The following DLGAP2 variants were observed in gnomAD, a reference collection of about 807,000 sequenced individuals.
The protein encoded by DLGAP2 is disks large-associated protein 2.
Under a neutral mutation model 100.3 loss-of-function variants are expected in DLGAP2, and 26 were observed. The observed-to-expected ratio is 0.26, with a 90% CI of 0.19 to 0.36. The LOEUF is 0.36. DLGAP2 is among the 10% of genes least tolerant of loss of function. The pLI is 1.00. For missense variants in DLGAP2, 1,858 were observed against 1,453.2 expected, an observed-to-expected ratio of 1.28 and a Z score of -4.53; for synonymous variants, 886 against 630.1, an observed-to-expected ratio of 1.41 and a Z score of -6.08.
At chr8:1,179,395 T>A (rs1411066749) in intron 2 of DLGAP2, among the ~76,000 whole-genome samples, 1 of 152,184 alleles carries the variant, frequency 6.6e-6, no homozygotes, top group Non-Finnish European at 1.5e-5. Flanking sequence ...GACTGTGCAG[T>A]CGATGGACAC....
intron 8 of DLGAP2, among the ~76,000 whole-genome samples, chr8:1,661,279 C>G (rs1022841201): frequency 6.6e-6 from 1 of 152,170 alleles, no homozygotes; most frequent in Non-Finnish European, 1.5e-5. Context: ...GGGCTGCAGA[C>G]CTGTGTGGTG....
chr8:944,451 C>T (rs899686249), intron 2 of DLGAP2, among the ~76,000 whole-genome samples: 1 of 151,954 alleles, frequency 6.6e-6, no homozygotes, highest in African/African-American at 2.4e-5. Flanking sequence ...GACAACTGAT[C>T]CCTGTAGGTG....
intron 2 of DLGAP2, among the ~76,000 whole-genome samples, chr8:1,223,922 CCTT>C (rs142862443): frequency 6.6e-6 from 1 of 152,336 alleles, no homozygotes; most frequent in East Asian, 1.9e-4. Context: ...AAGACATACT[CCTT>C]GTTGTTAAAA....
intron 6 of DLGAP2, among the ~76,000 whole-genome samples, chr8:1,583,638 G>C (rs1215341781): frequency 6.6e-6 from 1 of 152,144 alleles, no homozygotes; most frequent in Non-Finnish European, 1.5e-5. Flanking sequence ...CAGCAGTCCT[G>C]ACGTTTTTGC....
chr8:1,388,398 A>AG (rs1350469719), intron 3 of DLGAP2, among the ~76,000 whole-genome samples: 50 of 45,386 alleles, frequency 1.1e-3, no homozygotes, highest in Admixed American at 1.8e-3. Flanking sequence ...GGGCTGTGAG[A>AG]GCAGAGGCCG....
chr8:1,271,194 T>C (rs983377535), intron 3 of DLGAP2, among the ~76,000 whole-genome samples: 25 of 152,060 alleles, frequency 1.6e-4, no homozygotes, highest in Admixed American at 1.6e-3. Flanking sequence ...ATAACATGAA[T>C]TGGGAGTCAA....
chr8:1,473,356 G>C (rs1220625622), intron 3 of DLGAP2, among the ~76,000 whole-genome samples: 2 of 152,228 alleles, frequency 1.3e-5, no homozygotes, highest in African/African-American at 4.8e-5. Flanking sequence ...TCAGGGATGA[G>C]AGGAACGGAG....
At chr8:1,277,033 T>G (rs564579568) in intron 3 of DLGAP2, among the ~76,000 whole-genome samples, 1 of 152,332 alleles carries the variant, frequency 6.6e-6, no homozygotes, top group South Asian at 2.1e-4. Flanking sequence ...GGTCCCCTTT[T>G]CATGGAAATT....
intron 2 of DLGAP2, among the ~76,000 whole-genome samples, chr8:1,106,616 G>C (rs1371699183): frequency 6.7e-6 from 1 of 149,172 alleles, no homozygotes; most frequent in Non-Finnish European, 1.5e-5. Flanking sequence ...CATTCTAGGA[G>C]GGTTTTCTAT....
intron 2 of DLGAP2, among the ~76,000 whole-genome samples, chr8:1,202,933 A>G (rs1340665165): frequency 6.6e-6 from 1 of 152,148 alleles, no homozygotes; most frequent in Non-Finnish European, 1.5e-5. Flanking sequence ...AGATGGGGTG[A>G]GCACATGCGC....
intron 6 of DLGAP2, among the ~76,000 whole-genome samples, chr8:1,570,508 G>C (rs1241038653): frequency 6.6e-6 from 1 of 152,236 alleles, no homozygotes; most frequent in Non-Finnish European, 1.5e-5. Flanking sequence ...ATTGATTTCT[G>C]AGTTGACCAT....
intron 2 of DLGAP2, among the ~76,000 whole-genome samples, chr8:1,185,951 G>C (rs1012166419): frequency 6.6e-6 from 1 of 152,054 alleles, no homozygotes; most frequent in Non-Finnish European, 1.5e-5. Context: ...CCATGATCTC[G>C]GGGCCTCCTG....
chr8:1,605,432 G>C (rs117222747), intron 6 of DLGAP2, among the ~76,000 whole-genome samples: 9 of 152,158 alleles, frequency 5.9e-5, no homozygotes, highest in African/African-American at 1.4e-4. Flanking sequence ...TCTTCTGTTC[G>C]TGACTTGAAG....
intron 2 of DLGAP2, among the ~76,000 whole-genome samples, chr8:1,201,357 G>A (rs968044181): frequency 8.5e-5 from 13 of 152,310 alleles, no homozygotes; most frequent in Non-Finnish European, 1.9e-4. Flanking sequence ...CTCAGGGGCC[G>A]TGGGGCAGGG....
chr8:1,451,635 G>T lies in DLGAP2; in HGVS notation c.107-49731G>T, dbSNP rs561616210. 2.6e-4 allele frequency among the ~76,000 whole-genome samples: 39 copies of T among 152,020 alleles called. 1 individual carries two copies. The highest frequency in any genetic ancestry group is 8.2e-4 in the African/African-American group (34 of 41,478). ...CTGGCTTCCCTCCGCCTCTGTTGCC[G>T]GCTCCTCTTCCCTCCCCACATCGAA... On this transcript the variant is annotated intron_variant, in intron 3 of 14. Transcript: ENST00000637795.
rs756260042 is a variant in DLGAP2 at position 1,460,149 on chromosome 8, C to G, written c.107-41217C>G. On this transcript the variant is annotated intron_variant, in intron 3 of 14. Transcript: ENST00000637795. ...CTGCGGCCCCGGGCTTCTGTCCACA[C>G]CATGCTTCCTTTGAAACATGGAGCT... Among the ~76,000 whole-genome samples the G allele has an allele frequency of 2.0e-5, 3 of 152,334 alleles. No homozygotes were observed. The South Asian group carries it at 6.2e-4, about 32-fold the overall frequency.
intron 3 of DLGAP2, among the ~76,000 whole-genome samples, chr8:1,334,578 C>T (rs962997775): frequency 6.6e-6 from 1 of 152,078 alleles, no homozygotes; most frequent in African/African-American, 2.4e-5. Flanking sequence ...GTGGGCCCTT[C>T]CCCACCTGCC....
At chr8:1,423,980 G>T (rs578213798) in intron 3 of DLGAP2, among the ~76,000 whole-genome samples, 34 of 152,338 alleles carry the variant, frequency 2.2e-4, no homozygotes, top group Middle Eastern at 3.4e-3. Flanking sequence ...CACATGACTG[G>T]AATGAATTCT....
chr8:1,287,099 CATG>C (rs1799937617), intron 3 of DLGAP2, among the ~76,000 whole-genome samples: 1 of 149,948 alleles, frequency 6.7e-6, no homozygotes, highest in African/African-American at 2.5e-5. Flanking sequence ...TATGTGTGTG[CATG>C]GTTAAGAGGG....
Sources: gnomAD v4.1 joint callset for allele counts (sites outside exome capture counted in the v4.1 genomes callset) on GRCh38, gnomAD v4.1.1 for gene constraint, MANE v1.5 for transcripts, NCBI Gene and HGNC (gene_info 2026-07-23, HGNC 2026-07-21) for gene names.